SLC4A10: variants seen among roughly 807,000 people sequenced by gnomAD.
SLC4A10 encodes the protein solute carrier family 4 member 10, also known as sodium-driven chloride bicarbonate exchanger.
SLC4A10 carries 42 observed loss-of-function variants against 137.7 expected under a neutral mutation model. The ratio of observed to expected loss-of-function variants is 0.30; its 90% CI spans 0.24 to 0.39. The LOEUF is 0.39. Among genes scored for constraint, SLC4A10 ranks in the 10% least tolerant of loss-of-function variants. SLC4A10 has a pLI of 1.00. For synonymous variants in SLC4A10, 474 were observed against 464.1 expected (o/e 1.02, Z -0.27); for missense variants, 925 against 1,355.0 (o/e 0.68, Z 4.98).
intron 6 of SLC4A10, among the ~76,000 whole-genome samples, chr2:161,867,459 ATAAT>A (rs1014774098): frequency 3.9e-5 from 6 of 152,060 alleles, no homozygotes; most frequent in Non-Finnish European, 7.4e-5. Context: ...TGTATATTAA[ATAAT>A]TAAACATTGT....
chr2:161,826,103 G>T (rs1291791617), intron 3 of SLC4A10, among the ~76,000 whole-genome samples: 3 of 152,102 alleles, frequency 2.0e-5, no homozygotes, highest in Non-Finnish European at 2.9e-5. Flanking sequence ...TCAATGAATA[G>T]ATTGTGCATG....
intron 10 of SLC4A10, among the ~76,000 whole-genome samples, chr2:161,884,104 G>T (rs947870771): frequency 6.6e-6 from 1 of 152,088 alleles, no homozygotes. Flanking sequence ...TGATTTAGCA[G>T]AACTCTCTCT....
intron 17 of SLC4A10, among the ~76,000 whole-genome samples, chr2:161,948,085 G>A (rs1694148103): frequency 6.6e-6 from 1 of 152,062 alleles, no homozygotes; most frequent in Non-Finnish European, 1.5e-5. Flanking sequence ...TCTAATTGGG[G>A]AAGCCCCGGC....
At chr2:161,785,017 A>G (rs2053471306) in intron 2 of SLC4A10, among the ~76,000 whole-genome samples, 1 of 151,602 alleles carries the variant, frequency 6.6e-6, no homozygotes, top group Admixed American at 6.6e-5. Context: ...AAAAGAGAGG[A>G]TTCAAATAAA....
chr2:161,817,546 G>T (rs1312743094), intron 3 of SLC4A10, among the ~76,000 whole-genome samples: 1 of 152,102 alleles, frequency 6.6e-6, no homozygotes, highest in African/African-American at 2.4e-5. Flanking sequence ...TAGACATGAA[G>T]TCCTTGCCCA....
rs886574522 is a variant in SLC4A10 at position 161,976,015 on chromosome 2, C to G, written c.3228-745C>G. 7.9e-5 allele frequency among the ~76,000 whole-genome samples: 12 copies of G among 152,278 alleles called. No homozygotes were observed. In the South Asian group the frequency reaches 2.5e-3, roughly 32 times the overall value. ...GGTCTGAGCAAAGGAGGGAAGTGATCTGGTTGCTATGATGTTAGGGGCAAG... is the reference window on the plus strand; with the variant it reads ...GGTCTGAGCAAAGGAGGGAAGTGATGTGGTTGCTATGATGTTAGGGGCAAG... On this transcript the variant is annotated intron_variant, in intron 24 of 26. Transcript: ENST00000446997.
At position 161,640,513 on chromosome 2, in the gene SLC4A10, A is replaced by T. The variant is rs530078891; in HGVS notation, c.48+15947A>T. Among the ~76,000 whole-genome samples the T allele has an allele frequency of 4.4e-4, 67 of 152,258 alleles. No individual in the cohort carries two copies. The South Asian group carries it at 0.011, about 26-fold the overall frequency. On this transcript the variant is annotated intron_variant, in intron 1 of 26. Coordinates refer to ENST00000446997, the MANE Select transcript of SLC4A10 (RefSeq NM_001178015.2). ...AACTTTGTCAATTAACTCGGTAAAC[A>T]TTTTACTAACTTTCTTTTGTATTCC...
intron 14 of SLC4A10, 145 bp downstream of exon 14, chr2:161,905,054 G>T: frequency 2.8e-6 from 2 of 713,012 alleles, no homozygotes; most frequent in Non-Finnish European, 4.3e-6. Flanking sequence ...CTTCATCATG[G>T]GAATAGAGGA....
At chr2:161,719,471 C>T (rs567765023) in intron 1 of SLC4A10, among the ~76,000 whole-genome samples, 137 of 152,272 alleles carry the variant, frequency 9.0e-4, no homozygotes, top group African/African-American at 1.8e-3. Context: ...CCTGAGGAAT[C>T]GCCGCACTGA....
chr2:161,797,363 G>T (rs2054881453), intron 2 of SLC4A10, among the ~76,000 whole-genome samples: 3 of 151,980 alleles, frequency 2.0e-5, no homozygotes, highest in Admixed American at 6.6e-5. Context: ...TTCACTGATT[G>T]CCCAGGTTAT....
chr2:161,672,614 A>G (rs1436990676), intron 1 of SLC4A10, among the ~76,000 whole-genome samples: 1 of 152,178 alleles, frequency 6.6e-6, no homozygotes, highest in Non-Finnish European at 1.5e-5. Context: ...GGGGTGACAG[A>G]AACATTTCAT....
intron 1 of SLC4A10, among the ~76,000 whole-genome samples, chr2:161,656,240 T>C (rs1397703725): frequency 2.6e-5 from 4 of 152,200 alleles, no homozygotes; most frequent in African/African-American, 9.6e-5. Flanking sequence ...CACATGATCA[T>C]CTCAATAGAT....
intron 23 of SLC4A10, among the ~76,000 whole-genome samples, chr2:161,972,691 G>A (rs554047877): frequency 6.6e-6 from 1 of 152,284 alleles, no homozygotes; most frequent in Admixed American, 6.5e-5. Context: ...ACAATATAGA[G>A]TTTCTGGGGA....
intron 1 of SLC4A10, among the ~76,000 whole-genome samples, chr2:161,731,885 G>A (rs1376953350): frequency 6.6e-6 from 1 of 152,020 alleles, no homozygotes; most frequent in African/African-American, 2.4e-5. Flanking sequence ...AATCAGTAAT[G>A]CAGACAATAT....
intron 2 of SLC4A10, among the ~76,000 whole-genome samples, chr2:161,796,111 C>T (rs755606623): frequency 7.9e-5 from 12 of 152,116 alleles, no homozygotes; most frequent in Non-Finnish European, 1.5e-4. Flanking sequence ...GAATCACTTT[C>T]CTGGTACTTT....
At chr2:161,769,646 T>C (rs916317345) in intron 1 of SLC4A10, among the ~76,000 whole-genome samples, 2 of 152,038 alleles carry the variant, frequency 1.3e-5, no homozygotes, top group South Asian at 2.1e-4. Context: ...TAATTTTGCA[T>C]CATTTTTAAA....
intron 1 of SLC4A10, among the ~76,000 whole-genome samples, chr2:161,664,751 C>T (rs1237264270): frequency 1.3e-5 from 2 of 150,152 alleles, no homozygotes; most frequent in African/African-American, 4.9e-5. Flanking sequence ...GTTAATATAA[C>T]ATTAGAGAAT....
rs1458054942 is a variant in SLC4A10, at chr2:161,976,965, C to A, written c.3344+89C>A. On this transcript the variant is annotated intron_variant, in intron 25 of 26. Transcript: ENST00000446997. ...GCAAAAGAATAATATTAGTTTCCATCAAATTTAGATATAAAATATTCCAGA... is the reference window on the plus strand; with the variant it reads ...GCAAAAGAATAATATTAGTTTCCATAAAATTTAGATATAAAATATTCCAGA... 4.7e-6 allele frequency: 3 copies of A among 642,268 alleles called. No individual in the cohort carries two copies. The African/African-American group carries it at 5.6e-5, about 12-fold the overall frequency. 39.8% of individuals were successfully genotyped at this position (642,268 alleles called of 1,614,324 possible).
chr2:161,818,232 C>A (rs967888211), intron 3 of SLC4A10, among the ~76,000 whole-genome samples: 5 of 152,120 alleles, frequency 3.3e-5, no homozygotes, highest in African/African-American at 7.2e-5. Context: ...ATTTTATTCT[C>A]TTTGAAGCAA....
Sources: allele counts gnomAD v4.1 joint callset (sites outside exome capture counted in the v4.1 genomes callset), GRCh38; gene constraint gnomAD v4.1.1; transcripts MANE v1.5; gene names NCBI Gene and HGNC (gene_info 2026-07-23, HGNC 2026-07-21).